Variants in SEPTIN3 observed in about 807,000 individuals in gnomAD.
The protein encoded by SEPTIN3 is neuronal-specific septin-3.
Under a neutral mutation model 45.1 loss-of-function variants are expected in SEPTIN3, and 15 were observed. The ratio of observed to expected loss-of-function variants is 0.33; its 90% CI spans 0.22 to 0.51. The LOEUF (loss-of-function observed/expected upper bound fraction) is 0.51. Ranked by LOEUF, SEPTIN3 falls within the 20% of genes least tolerant of loss-of-function variation. The pLI, the probability that SEPTIN3 is intolerant of heterozygous loss-of-function variation, is 0.97. For synonymous variants in SEPTIN3, 148 were observed against 164.8 expected (o/e 0.90, Z 0.78); for missense variants, 289 against 457.2 (o/e 0.63, Z 3.35).
intron 3 of SEPTIN3, among the ~76,000 whole-genome samples, chr22:41,984,187 C>G (rs2078164874): frequency 6.6e-6 from 1 of 152,188 alleles, no homozygotes; most frequent in African/African-American, 2.4e-5. Context: ...CCAATTTCCT[C>G]TCTCCTCACC....
Position 41,994,356 on chromosome 22 carries a change from C to T in SEPTIN3, c.2411+15C>T, listed in dbSNP as rs759125973. 1.2e-6 allele frequency: 2 copies of T among 1,613,618 alleles called. No individual in the cohort carries two copies. Among genetic ancestry groups the T allele is most frequent in the South Asian group, 2.2e-5 (2 of 91,076 alleles). On this transcript the variant is annotated intron_variant, in intron 10 of 11. Transcript: ENST00000644076. The surrounding 1 kb of genome is among the most constrained non-coding windows in gnomAD (Gnocchi z 4.2). ...TTTGTCATCAGGTAAGATGTCTCCC[C>T]TCCAGCTGTCCAGACAGCAGGTTGA...
At chr22:41,986,522 C>T (rs146960758) in intron 4 of SEPTIN3, among the ~76,000 whole-genome samples, 396 of 151,972 alleles carry the variant, frequency 2.6e-3, no homozygotes, top group African/African-American at 8.7e-3. Flanking sequence ...TTTTTTGAGA[C>T]GGAGTCTTGC....
chr22:41,973,299 A>T (rs1364584627), intron 2 of SEPTIN3, among the ~76,000 whole-genome samples: 1 of 151,916 alleles, frequency 6.6e-6, no homozygotes, highest in African/African-American at 2.4e-5. Context: ...AGATGGGAGG[A>T]TTGCTTGAGT....
rs868245028 is a variant in SEPTIN3 at position 41,991,577 on chromosome 22, G to A, written c.2168G>A (p.Arg723His). The A allele has an allele frequency of 2.0e-5, 33 of 1,611,660 alleles. No individual in the cohort carries two copies. The Middle Eastern group carries it at 4.9e-4, about 24-fold the overall frequency. The change falls in exon 8 of 12, where the codon CGC becomes CAC. Residue 723 changes from arginine to histidine, a missense_variant. Arg to His is a conservative substitution (Grantham distance 29, BLOSUM62 0). Coordinates refer to ENST00000644076, the MANE Select transcript of SEPTIN3 (RefSeq NM_001363845.2). ...EEKSEFKQRV[R>H]KELEVNGIEF... is the part of the protein sequence containing the mutation. The stretch of plus-strand genomic sequence containing the variant: ...GTTTCTTCTCCTCGCCTCTAGGTTC[G>A]CAAGGAGCTTGAAGTAAATGGCATT...
rs1384829140 is a variant in SEPTIN3, at chr22:41,987,779, C to T, written c.2045+20C>T. ...ACACTCGTATGTACCAACCCTACCCCTATTGTCAGGCCTGGTCTGGTTTGT... is the reference window on the plus strand; with the variant it reads ...ACACTCGTATGTACCAACCCTACCCTTATTGTCAGGCCTGGTCTGGTTTGT... On this transcript the variant is annotated intron_variant, in intron 6 of 11. Coordinates refer to ENST00000644076, the MANE Select transcript of SEPTIN3 (RefSeq NM_001363845.2). The T allele has an allele frequency of 1.9e-6, 3 of 1,600,872 alleles. No individual in the cohort carries two copies. Among genetic ancestry groups the T allele is most frequent in the Non-Finnish European group, 2.6e-6 (3 of 1,169,256 alleles).
At chr22:41,983,992 G>A (rs904727944) in intron 3 of SEPTIN3, among the ~76,000 whole-genome samples, 2 of 152,166 alleles carry the variant, frequency 1.3e-5, no homozygotes, top group African/African-American at 4.8e-5. Context: ...GAGCAAGCAT[G>A]GCAAATCCAA....
Position 41,986,096 on chromosome 22 carries a change from C to A in SEPTIN3, c.1809C>A (p.Ile603=). ...AGAAGATCCCCAAGACAGTGGAGATCAAAGCTATCGGGCATGGTGAGGACC... is the reference window on the plus strand; with the variant it reads ...AGAAGATCCCCAAGACAGTGGAGATAAAAGCTATCGGGCATGGTGAGGACC... The part of the protein sequence containing the change: ...REEKIPKTVE[I]KAIGHVIEEG... The change falls in exon 4 of 12, where the codon ATC becomes ATA. Residue 603 remains isoleucine (I), a synonymous_variant. Coordinates refer to ENST00000644076, the MANE Select transcript of SEPTIN3 (RefSeq NM_001363845.2). The A allele has an allele frequency of 1.9e-6, 3 of 1,613,262 alleles. No individual in the cohort carries two copies. The highest frequency in any genetic ancestry group is 2.5e-6 in the Non-Finnish European group (3 of 1,179,656).
chr22:41,987,592 A>T (rs1199403958), intron 5 of SEPTIN3, 30 bp from the exon 6 acceptor site: 1 of 1,596,284 alleles, frequency 6.3e-7, no homozygotes. Context: ...TGTTCTTCTG[A>T]TGCATCTATC....
chr22:41,982,950 A>G (rs563309869), intron 3 of SEPTIN3, among the ~76,000 whole-genome samples: 1 of 151,836 alleles, frequency 6.6e-6, no homozygotes, highest in South Asian at 2.1e-4. Flanking sequence ...TCTCAGTGAG[A>G]TGTCCAGTCA....
In SEPTIN3 at chr22:41,996,977, C is replaced by T. The variant is rs2078452911; in HGVS notation, c.*10C>T. The T allele has an allele frequency of 6.2e-7, 1 of 1,613,988 alleles. No homozygotes were observed. The highest frequency in any genetic ancestry group is 8.5e-7 in the Non-Finnish European group (1 of 1,179,890). On this transcript the variant is annotated 3_prime_UTR_variant, in exon 12 of 12. Transcript: ENST00000644076. ...CCCCACTGCTGAATGAAGGCCATTT[C>T]AAGCGCTGCTTCTCACTCCATTCCT...
intron 2 of SEPTIN3, among the ~76,000 whole-genome samples, chr22:41,980,293 A>G (rs1291188913): frequency 6.6e-6 from 1 of 151,844 alleles, no homozygotes; most frequent in Non-Finnish European, 1.5e-5. Flanking sequence ...GCCTGCCACC[A>G]TGCCTGGCTA....
intron 5 of SEPTIN3, 115 bp from the exon 6 acceptor site, chr22:41,987,507 A>T (rs2078229190): frequency 7.5e-7 from 1 of 1,336,798 alleles, no homozygotes; most frequent in East Asian, 2.3e-5. Context: ...CAGGTATCCT[A>T]GGCCCACCAA....
intron 2 of SEPTIN3, among the ~76,000 whole-genome samples, chr22:41,977,458 T>G (rs1480845935): frequency 6.6e-6 from 1 of 152,076 alleles, no homozygotes; most frequent in Non-Finnish European, 1.5e-5. Flanking sequence ...AGGCACACGC[T>G]GAGACAGGCA....
At chr22:41,970,386 C>T (rs989425419) in intron 1 of SEPTIN3, among the ~76,000 whole-genome samples, 2 of 152,190 alleles carry the variant, frequency 1.3e-5, no homozygotes, top group African/African-American at 2.4e-5. Context: ...GCAGCCTCCT[C>T]CAGCCCCAGC....
intron 2 of SEPTIN3, among the ~76,000 whole-genome samples, chr22:41,981,010 T>C (rs1602413453): frequency 6.6e-6 from 1 of 152,068 alleles, no homozygotes; most frequent in Non-Finnish European, 1.5e-5. Context: ...CAGAGAAGGG[T>C]AGCCCTGTTT....
In SEPTIN3 at chr22:41,972,926, G is replaced by T. The variant is rs1425228284; in HGVS notation, c.1434G>T (p.Leu478=). The change falls in exon 2 of 12, where the codon CTG becomes CTT. Residue 478 remains leucine (L), a synonymous_variant. Coordinates refer to ENST00000644076, the MANE Select transcript of SEPTIN3 (RefSeq NM_001363845.2). ...CAAGCAGATCCACAGACCTAGCCCT[G>T]GACAACACTAATGCTGCCATGGACA... The part of the protein sequence containing the change: ...LMPSRSTDLA[L]DNTNAAMDRA... 2 of 399,064 alleles carry T rather than the reference G, an allele frequency of 5.0e-6. No individual in the cohort carries two copies. Among genetic ancestry groups the T allele is most frequent in the Non-Finnish European group, 8.8e-6 (2 of 226,222 alleles). The allele number at this position is 399,064 out of a possible 1,614,324, so 24.7% of individuals were successfully genotyped here.
At chr22:41,971,220 A>C (rs969744459) in intron 1 of SEPTIN3, among the ~76,000 whole-genome samples, 1 of 152,048 alleles carries the variant, frequency 6.6e-6, no homozygotes, top group Non-Finnish European at 1.5e-5. Context: ...TGCTCACTGG[A>C]CGTGCCCACC....
chr22:41,980,835 C>T (rs2078109207), intron 2 of SEPTIN3, among the ~76,000 whole-genome samples: 1 of 152,178 alleles, frequency 6.6e-6, no homozygotes, highest in African/African-American at 2.4e-5. Flanking sequence ...AGGCAAGTGA[C>T]TGCCCTCATC....
At chr22:41,989,771 C>A (rs2146712062) in intron 7 of SEPTIN3, 87 bp downstream of exon 7, 2 of 857,844 alleles carry the variant, frequency 2.3e-6, no homozygotes, top group East Asian at 2.4e-5. Context: ...CCTCATCATT[C>A]TGCCTTCACC....
Sources: allele counts gnomAD v4.1 joint callset (sites outside exome capture counted in the v4.1 genomes callset), GRCh38; gene constraint gnomAD v4.1.1; non-coding constraint Gnocchi (gnomAD v3.1); transcripts MANE v1.5; gene names NCBI Gene and HGNC (gene_info 2026-07-23, HGNC 2026-07-21).